Variants in DSCAM observed in about 807,000 individuals in gnomAD.
The protein encoded by DSCAM is cell adhesion molecule DSCAM.
Under a neutral mutation model 217.7 loss-of-function variants are expected in DSCAM, and 47 were observed. The observed-to-expected ratio is 0.22, with a 90% CI of 0.17 to 0.28. The LOEUF is 0.28. Among genes scored for constraint, DSCAM ranks in the 10% least tolerant of loss-of-function variants. The pLI, the probability that DSCAM is intolerant of heterozygous loss-of-function variation, is 1.00. For synonymous variants in DSCAM, 1,056 were observed against 1,015.3 expected (o/e 1.04, Z -0.76); for missense variants, 2,080 against 2,618.3 (o/e 0.79, Z 4.49).
At chr21:40,048,791 C>T (rs1359272802) in intron 30 of DSCAM, among the ~76,000 whole-genome samples, 1 of 152,172 alleles carries the variant, frequency 6.6e-6, no homozygotes, top group African/African-American at 2.4e-5. Flanking sequence ...GAGGTATAAA[C>T]ACCTGGGCAG....
rs1434007704 is a variant in DSCAM at position 40,026,371 on chromosome 21, G to C, written c.5687-12985C>G. 1.0e-3 allele frequency among the ~76,000 whole-genome samples: 142 copies of C among 142,598 alleles called. 5 individuals carry two copies. The highest frequency in any genetic ancestry group is 3.5e-3 in the African/African-American group (134 of 38,360). The allele number at this position is 142,598 out of a possible 152,430, so 93.5% of individuals were successfully genotyped here. The stretch of plus-strand genomic sequence containing the variant: ...CTGTTGATTTGGGGTGGAGAGTTCT[G>C]TAGATGTCTATTAGGTCCACTTGAT... On this transcript the variant is annotated intron_variant, in intron 32 of 32. Coordinates refer to ENST00000400454, the MANE Select transcript of DSCAM (RefSeq NM_001389.5).
rs777284713 is a variant in DSCAM at position 40,158,424 on chromosome 21, A to G, written c.3018+8794T>C. 2.1e-4 allele frequency among the ~76,000 whole-genome samples: 32 copies of G among 152,136 alleles called. 1 individual carries two copies. The highest frequency in any genetic ancestry group is 2.2e-4 in the Non-Finnish European group (15 of 68,010). ...AAAAACAAAAACAAAAAAACAAAAG[A>G]AAAGAAAAAAAGAAAAGAAACAGTT... On this transcript the variant is annotated intron_variant, in intron 16 of 32. Coordinates refer to ENST00000400454, the MANE Select transcript of DSCAM (RefSeq NM_001389.5).
intron 3 of DSCAM, among the ~76,000 whole-genome samples, chr21:40,538,826 C>T (rs1331062854): frequency 2.6e-5 from 4 of 152,110 alleles, no homozygotes; most frequent in African/African-American, 4.8e-5. Context: ...GACAATGATA[C>T]ATTTCTGCTC....
chr21:40,449,200 T>G (rs544287110), intron 3 of DSCAM, among the ~76,000 whole-genome samples: 1 of 152,168 alleles, frequency 6.6e-6, no homozygotes, highest in Admixed American at 6.5e-5. Context: ...ACCTGGATAA[T>G]AGAGGATAAA....
chr21:40,466,137 T>C (rs2075843379), intron 3 of DSCAM, among the ~76,000 whole-genome samples: 1 of 152,200 alleles, frequency 6.6e-6, no homozygotes, highest in African/African-American at 2.4e-5. Context: ...TCATTGCTTA[T>C]GAACAACTAA....
At chr21:40,306,160 C>A (rs1489119339) in intron 9 of DSCAM, among the ~76,000 whole-genome samples, 3 of 150,886 alleles carry the variant, frequency 2.0e-5, no homozygotes, top group Admixed American at 6.6e-5. Context: ...TCCTTCACAT[C>A]CCTTGTAAGT....
chr21:40,063,213 G>A (rs1471335143), intron 27 of DSCAM, among the ~76,000 whole-genome samples: 3 of 152,120 alleles, frequency 2.0e-5, no homozygotes, highest in African/African-American at 7.2e-5. Context: ...TCAGTAGTCA[G>A]AAAATTAACA....
intron 3 of DSCAM, among the ~76,000 whole-genome samples, chr21:40,417,761 A>T (rs543039109): frequency 1.3e-5 from 2 of 152,330 alleles, no homozygotes; most frequent in African/African-American, 2.4e-5. Flanking sequence ...AAGAAAAATT[A>T]AAAAATCCCT....
At chr21:40,161,247 A>G (rs888828131) in intron 16 of DSCAM, among the ~76,000 whole-genome samples, 5 of 152,186 alleles carry the variant, frequency 3.3e-5, no homozygotes, top group African/African-American at 1.2e-4. Context: ...GGCCCATCAC[A>G]TGGCTAAACC....
At chr21:40,237,755 G>A (rs2073098999) in intron 11 of DSCAM, among the ~76,000 whole-genome samples, 1 of 152,134 alleles carries the variant, frequency 6.6e-6, no homozygotes, top group Non-Finnish European at 1.5e-5. Flanking sequence ...GGGTCAAATG[G>A]TATTTCTGGT....
At position 40,133,905 on chromosome 21, in the gene DSCAM, C is replaced by G; in HGVS notation, c.3511G>C (p.Ala1171Pro). 1 of 1,613,692 alleles carries G rather than the reference C, an allele frequency of 6.2e-7. No individual in the cohort carries two copies. The highest frequency in any genetic ancestry group is 8.5e-7 in the Non-Finnish European group (1 of 1,179,802). ...TGCTCACTCCTGACCCCGTCTCCTG[C>G]GCGGGTGAAGGCCAGCACCTGGATG... Reference protein sequence around the residue: ...YSIQVLAFTRAGDGVRSEQIF... With the variant: ...YSIQVLAFTRPGDGVRSEQIF... The change falls in exon 19 of 33, where the codon GCA (alanine) becomes CCA (proline). Residue 1171 changes from alanine to proline, a missense_variant. By Grantham distance (27) the Ala-to-Pro change is conservative. Transcript: ENST00000400454.
At chr21:40,305,923 G>A (rs554841113) in intron 9 of DSCAM, among the ~76,000 whole-genome samples, 1 of 152,050 alleles carries the variant, frequency 6.6e-6, no homozygotes, top group Non-Finnish European at 1.5e-5. Flanking sequence ...TTGGCGACGC[G>A]GGCTCTTTTT....
intron 11 of DSCAM, among the ~76,000 whole-genome samples, chr21:40,199,323 A>T (rs60693305): frequency 0.051 from 7,763 of 152,224 alleles, 450 homozygotes; most frequent in African/African-American, 0.14. Flanking sequence ...GGAAAGGATA[A>T]GATCTCATTC....
intron 3 of DSCAM, among the ~76,000 whole-genome samples, chr21:40,671,888 C>T (rs1227038607): frequency 1.3e-5 from 2 of 152,148 alleles, no homozygotes; most frequent in Admixed American, 6.5e-5. Flanking sequence ...TATTAGTCAT[C>T]TTAGGCTGCT....
intron 1 of DSCAM, among the ~76,000 whole-genome samples, chr21:40,813,306 A>T (rs1332111161): frequency 6.6e-6 from 1 of 152,194 alleles, no homozygotes; most frequent in Non-Finnish European, 1.5e-5. Flanking sequence ...ACATATGTTG[A>T]TTAATCTAAA....
rs757041994 is a variant in DSCAM, at chr21:40,620,271, GAA to G, written c.508+72537_508+72538del. Among the ~76,000 whole-genome samples, 9 of 81,882 alleles carry G rather than the reference GAA, an allele frequency of 1.1e-4. 1 individual carries two copies. Among genetic ancestry groups the G allele is most frequent in the South Asian group, 3.7e-4 (1 of 2,736 alleles). The allele number at this position is 81,882 out of a possible 152,430, so 53.7% of individuals were successfully genotyped here. On this transcript the variant is annotated intron_variant, in intron 3 of 32. Coordinates refer to ENST00000400454, the MANE Select transcript of DSCAM (RefSeq NM_001389.5). Reference sequence around the variant, plus strand: ...AAGAGAGAGAAAAAAGAAAAAGAAAGAAAGAGAGAAAGAGAGAGAAAAAAGAA... The same window carrying G: ...AAGAGAGAGAAAAAAGAAAAAGAAAGAGAGAGAAAGAGAGAGAAAAAAGAA...
intron 3 of DSCAM, among the ~76,000 whole-genome samples, chr21:40,652,080 A>G (rs2090020460): frequency 6.6e-6 from 1 of 151,820 alleles, no homozygotes; most frequent in South Asian, 2.1e-4. Context: ...AAGGAGTGAG[A>G]AAGTCAAGTT....
intron 1 of DSCAM, among the ~76,000 whole-genome samples, chr21:40,838,246 A>G (rs2092072280): frequency 6.6e-6 from 1 of 152,254 alleles, no homozygotes; most frequent in African/African-American, 2.4e-5. Flanking sequence ...TTATGAGAAG[A>G]ATCAATGCTT....
At chr21:40,538,750 A>G (rs2076519810) in intron 3 of DSCAM, among the ~76,000 whole-genome samples, 1 of 152,188 alleles carries the variant, frequency 6.6e-6, no homozygotes, top group South Asian at 2.1e-4. Context: ...AAGGCCTCTC[A>G]GGTAGAATTG....
Sources: gnomAD v4.1 joint callset for allele counts (sites outside exome capture counted in the v4.1 genomes callset) on GRCh38, gnomAD v4.1.1 for gene constraint, MANE v1.5 for transcripts, NCBI Gene and HGNC (gene_info 2026-07-23, HGNC 2026-07-21) for gene names.